AJAP1: variants seen among roughly 807,000 people sequenced by gnomAD.
AJAP1 encodes the protein adherens junction-associated protein 1.
AJAP1 carries 5 observed loss-of-function variants against 35.0 expected under a neutral mutation model. That is an observed-to-expected ratio of 0.14 (90% CI 0.07 to 0.30). The LOEUF is 0.30. AJAP1 is among the 10% of genes least tolerant of loss of function. The probability of loss-of-function intolerance (pLI) is 1.00; values close to 1 mark genes in which losing one functional copy is unlikely to be tolerated. For missense variants in AJAP1, 586 were observed against 571.0 expected (o/e 1.03, Z -0.27); for synonymous variants, 284 against 249.3 (o/e 1.14, Z -1.31).
chr1:4,767,718 CCACCAT>C (rs1161611144), intron 2 of AJAP1, among the ~76,000 whole-genome samples: 3 of 151,412 alleles, frequency 2.0e-5, no homozygotes, highest in South Asian at 2.1e-4. Flanking sequence ...ACCATCATCA[CCACCAT>C]CACCATCACC....
chr1:4,723,077 G>A lies in AJAP1; in HGVS notation c.829+10378G>A, dbSNP rs1640559628. Among the ~76,000 whole-genome samples, 1 of 152,192 alleles carries A rather than the reference G, an allele frequency of 6.6e-6. No homozygotes were observed. Among genetic ancestry groups the A allele is most frequent in the Admixed American group, 6.5e-5 (1 of 15,284 alleles). On this transcript the variant is annotated intron_variant, in intron 2 of 5. Coordinates refer to ENST00000378191, the MANE Select transcript of AJAP1 (RefSeq NM_018836.4). The surrounding 1 kb of genome is among the most constrained non-coding windows in gnomAD (Gnocchi z 4.3). ...GATGGGACGTGATAACTTGTAGAGA[G>A]GTGGGACGCGAGCCCCAAGAGAGCA...
At chr1:4,722,520 G>C (rs894191949) in intron 2 of AJAP1, among the ~76,000 whole-genome samples, 7 of 152,224 alleles carry the variant, frequency 4.6e-5, no homozygotes, top group African/African-American at 1.7e-4. Context: ...TGTGAGTCCT[G>C]GGGCTGCTGT....
In AJAP1 at chr1:4,782,651, T is replaced by G. The variant is rs1312059722; in HGVS notation, c.*166T>G. ...GGAGGGTCCCCGCACCTACCACTTC[T>G]GTTTGCCGGTGGGAAACTCACAGAG... On this transcript the variant is annotated 3_prime_UTR_variant, in exon 6 of 6. Coordinates refer to ENST00000378191, the MANE Select transcript of AJAP1 (RefSeq NM_018836.4). This position sits in a 1 kb window ranked among gnomAD's most constrained non-coding sequence, Gnocchi z 5.3. The G allele has an allele frequency of 5.0e-6, 2 of 398,126 alleles. No individual in the cohort carries two copies. The highest frequency in any genetic ancestry group is 8.8e-6 in the Non-Finnish European group (2 of 226,022). The allele number at this position is 398,126 out of a possible 1,614,324, so 24.7% of individuals were successfully genotyped here.
At chr1:4,665,569 G>A (rs1043794962) in intron 1 of AJAP1, among the ~76,000 whole-genome samples, 10 of 152,154 alleles carry the variant, frequency 6.6e-5, no homozygotes, top group Admixed American at 6.5e-5. Context: ...CTCTCACCCC[G>A]ACGGTCCCTG....
At chr1:4,746,228 G>A (rs2100324598) in intron 2 of AJAP1, among the ~76,000 whole-genome samples, 1 of 152,198 alleles carries the variant, frequency 6.6e-6, no homozygotes, top group South Asian at 2.1e-4. Context: ...TCATCCCGTG[G>A]CTGCCTCCTC....
At chr1:4,668,025 G>A (rs758977491) in intron 1 of AJAP1, among the ~76,000 whole-genome samples, 2 of 152,100 alleles carry the variant, frequency 1.3e-5, no homozygotes, top group Non-Finnish European at 2.9e-5. Flanking sequence ...GACCAGCCTG[G>A]CCAACATGAT....
At chr1:4,719,780 C>T (rs1640477914) in intron 2 of AJAP1, among the ~76,000 whole-genome samples, 1 of 152,164 alleles carries the variant, frequency 6.6e-6, no homozygotes, top group Admixed American at 6.5e-5. Flanking sequence ...TGGAGGATCC[C>T]CTTCCCCGAC....
intron 1 of AJAP1, among the ~76,000 whole-genome samples, chr1:4,689,401 C>T (rs551140991): frequency 7.9e-5 from 12 of 152,324 alleles, no homozygotes; most frequent in East Asian, 7.7e-4. Context: ...AGCCCACCCA[C>T]GAGGAGGCGG....
intron 1 of AJAP1, among the ~76,000 whole-genome samples, chr1:4,684,358 G>A (rs541773209): frequency 1.1e-4 from 16 of 152,230 alleles, no homozygotes; most frequent in African/African-American, 1.9e-4. Flanking sequence ...CTCCTGCCTG[G>A]GTCTAGGAAG....
At position 4,782,859 on chromosome 1, in the gene AJAP1, C is replaced by T. The variant is rs1642092250; in HGVS notation, c.*374C>T. 2.5e-6 allele frequency: 1 copy of T among 398,466 alleles called. No individual in the cohort carries two copies. The highest frequency in any genetic ancestry group is 4.4e-5 in the Admixed American group (1 of 22,720). The allele number at this position is 398,466 out of a possible 1,614,324, so 24.7% of individuals were successfully genotyped here. A position where few individuals can be genotyped will look rare whatever the true frequency, so the allele number is the denominator to read the frequency against. ...CATCCGAAACCTAGGATTCGTCCTA[C>T]GATTCTGAACCTGTGCCAATAATAC... On this transcript the variant is annotated 3_prime_UTR_variant, in exon 6 of 6. Coordinates refer to ENST00000378191, the MANE Select transcript of AJAP1 (RefSeq NM_018836.4). This position sits in a 1 kb window ranked among gnomAD's most constrained non-coding sequence, Gnocchi z 5.3.
chr1:4,740,012 C>T (rs768786661), intron 2 of AJAP1, among the ~76,000 whole-genome samples: 12 of 152,100 alleles, frequency 7.9e-5, no homozygotes, highest in African/African-American at 2.2e-4. Context: ...AAGGACCTGA[C>T]GGGGTGTATC....
At chr1:4,735,496 G>A (rs1452515249) in intron 2 of AJAP1, among the ~76,000 whole-genome samples, 1 of 152,168 alleles carries the variant, frequency 6.6e-6, no homozygotes, top group African/African-American at 2.4e-5. Flanking sequence ...CACTGCACCG[G>A]GTGGGCAGCT....
intron 1 of AJAP1, among the ~76,000 whole-genome samples, chr1:4,695,096 C>A (rs554772950): frequency 2.6e-4 from 40 of 152,220 alleles, no homozygotes; most frequent in African/African-American, 9.6e-4. Flanking sequence ...GTTGTCACAA[C>A]TTGGGAGAGG....
chr1:4,749,106 C>T (rs777761809), intron 2 of AJAP1, among the ~76,000 whole-genome samples: 2 of 152,198 alleles, frequency 1.3e-5, no homozygotes, highest in Non-Finnish European at 2.9e-5. Flanking sequence ...TCGCAGTGCC[C>T]AGCTCGTTCC....
At chr1:4,690,613 T>G (rs1639718260) in intron 1 of AJAP1, among the ~76,000 whole-genome samples, 1 of 152,098 alleles carries the variant, frequency 6.6e-6, no homozygotes, top group Non-Finnish European at 1.5e-5. Flanking sequence ...TGTGCCTGAG[T>G]CCTGGATCCA....
In AJAP1 at chr1:4,654,711, GGCGCCGCCGCCGC is replaced by G. The variant is rs1213766616; in HGVS notation, c.-711_-699del. On this transcript the variant is annotated 5_prime_UTR_variant, in exon 1 of 6. Transcript: ENST00000378191. This position sits in a 1 kb window ranked among gnomAD's most constrained non-coding sequence, Gnocchi z 5.1. ...GGATCCCCGCGCGCCTCCTCCGCGC[GGCGCCGCCGCCGC>G]GCGTCCCCACGCCCCGCGCTCCACG... 1.4e-5 allele frequency: 2 copies of G among 146,426 alleles called. No individual in the cohort carries two copies. Among genetic ancestry groups the G allele is most frequent in the African/African-American group, 4.9e-5 (2 of 40,808 alleles). The allele number at this position is 146,426 out of a possible 1,614,324, so 9.1% of individuals were successfully genotyped here. A position where few individuals can be genotyped will look rare whatever the true frequency, so the allele number is the denominator to read the frequency against.
At position 4,723,233 on chromosome 1, in the gene AJAP1, C is replaced by A. The variant is rs1392441745; in HGVS notation, c.829+10534C>A. Among the ~76,000 whole-genome samples, 1 of 152,182 alleles carries A rather than the reference C, an allele frequency of 6.6e-6. No homozygotes were observed. The highest frequency in any genetic ancestry group is 1.5e-5 in the Non-Finnish European group (1 of 68,030). ...CTGGGGAGCAGCAGATTGGAAGGAG[C>A]CCTTGGGACGGGACCTTCACTCTTG... On this transcript the variant is annotated intron_variant, in intron 2 of 5. Coordinates refer to ENST00000378191, the MANE Select transcript of AJAP1 (RefSeq NM_018836.4). This position sits in a 1 kb window ranked among gnomAD's most constrained non-coding sequence, Gnocchi z 4.3.
chr1:4,744,246 G>A (rs1242277145), intron 2 of AJAP1, among the ~76,000 whole-genome samples: 2 of 152,228 alleles, frequency 1.3e-5, no homozygotes, highest in Non-Finnish European at 1.5e-5. Flanking sequence ...GTGTGCAGCC[G>A]TTCCTGCTGT....
At chr1:4,695,031 C>A (rs977076435) in intron 1 of AJAP1, among the ~76,000 whole-genome samples, 1 of 152,136 alleles carries the variant, frequency 6.6e-6, no homozygotes, top group Non-Finnish European at 1.5e-5. Context: ...CAAGGCTCTA[C>A]ACTGGGGGTA....
Sources: allele counts gnomAD v4.1 joint callset (sites outside exome capture counted in the v4.1 genomes callset), GRCh38; gene constraint gnomAD v4.1.1; non-coding constraint Gnocchi (gnomAD v3.1); transcripts MANE v1.5; gene names NCBI Gene and HGNC (gene_info 2026-07-23, HGNC 2026-07-21).